The following WWP1 variants were observed in gnomAD, a reference collection of about 807,000 sequenced individuals.
WWP1 encodes the protein NEDD4-like E3 ubiquitin-protein ligase WWP1.
Under a neutral mutation model 130.6 loss-of-function variants are expected in WWP1, and 49 were observed. The ratio of observed to expected loss-of-function variants is 0.38; its 90% CI spans 0.30 to 0.48. WWP1 has a LOEUF of 0.48. Among genes scored for constraint, WWP1 ranks in the 20% least tolerant of loss-of-function variants. The pLI, the probability that WWP1 is intolerant of heterozygous loss-of-function variation, is 0.99. For synonymous variants in WWP1, 332 were observed against 367.8 expected (o/e 0.90, Z 1.11); for missense variants, 809 against 1,100.6 (o/e 0.74, Z 3.75).
rs572749206 is a variant in WWP1 at position 86,360,651 on chromosome 8, T to TG, written c.-114-8283dup. 3.0e-3 allele frequency among the ~76,000 whole-genome samples: 463 copies of TG among 152,340 alleles called. 2 individuals carry two copies. The highest frequency in any genetic ancestry group is 0.011 in the African/African-American group (441 of 41,584). ...TGTGTCTCAGTCAGTAACTATTAAT[T>TG]GGGGGCCTTTCCCCAGCCAGACTCT... is the stretch of plus-strand genomic sequence containing the variant. On this transcript the variant is annotated intron_variant, in intron 1 of 24. Coordinates refer to ENST00000517970, the MANE Select transcript of WWP1 (RefSeq NM_007013.4).
intron 9 of WWP1, among the ~76,000 whole-genome samples, chr8:86,424,459 G>A (rs1218527693): frequency 1.3e-5 from 2 of 152,044 alleles, no homozygotes; most frequent in African/African-American, 4.8e-5. Flanking sequence ...CAGGCGGCTG[G>A]GAGGTGGAGG....
intron 24 of WWP1, among the ~76,000 whole-genome samples, chr8:86,465,050 G>A (rs1175242431): frequency 1.3e-5 from 2 of 152,116 alleles, no homozygotes; most frequent in African/African-American, 4.8e-5. Context: ...AGAAGTCACT[G>A]GCTAAGAGTG....
chr8:86,361,437 T>C (rs1295007785), intron 1 of WWP1, among the ~76,000 whole-genome samples: 1 of 152,174 alleles, frequency 6.6e-6, no homozygotes, highest in Non-Finnish European at 1.5e-5. Flanking sequence ...TACAACACTG[T>C]CAAAGGGGTT....
rs559035925 is a variant in WWP1 at position 86,414,181 on chromosome 8, G to C, written c.1061+2307G>C. 1.4e-4 allele frequency among the ~76,000 whole-genome samples: 21 copies of C among 151,982 alleles called. No homozygotes were observed. The South Asian group carries it at 4.3e-3, about 31-fold the overall frequency. On this transcript the variant is annotated intron_variant, in intron 9 of 24. Transcript: ENST00000517970. Reference sequence around the variant, plus strand: ...GCGAGAATAGGAAATATTGGAAGATGTTAAATGTAGTAAGAATAAGCATTG... The same window carrying C: ...GCGAGAATAGGAAATATTGGAAGATCTTAAATGTAGTAAGAATAAGCATTG...
In WWP1 at chr8:86,342,643, A is replaced by G. The variant is rs2130006899; in HGVS notation, c.-402A>G. The G allele has an allele frequency of 8.2e-6, 2 of 243,992 alleles. No homozygotes were observed. Among genetic ancestry groups the G allele is most frequent in the African/African-American group, 2.4e-5 (1 of 41,086 alleles). 15.1% of individuals were successfully genotyped at this position (243,992 alleles called of 1,614,324 possible). A position where few individuals can be genotyped will look rare whatever the true frequency, so the allele number is the denominator to read the frequency against. ...GCGCGCTTAGGGCGCGGCGCCGGCG[A>G]CGCGGCCACGCGGCGCGCTCCCGAG... On this transcript the variant is annotated 5_prime_UTR_variant, in exon 1 of 25. Coordinates refer to ENST00000517970, the MANE Select transcript of WWP1 (RefSeq NM_007013.4).
chr8:86,394,096 G>C (rs138706231), intron 5 of WWP1, among the ~76,000 whole-genome samples: 42 of 152,368 alleles, frequency 2.8e-4, no homozygotes, highest in Middle Eastern at 3.4e-3. Flanking sequence ...TTTTTAGCCA[G>C]TAAGTTTCAG....
intron 8 of WWP1, among the ~76,000 whole-genome samples, chr8:86,407,886 A>C (rs1007904417): frequency 2.0e-5 from 3 of 152,048 alleles, no homozygotes; most frequent in Non-Finnish European, 2.9e-5. Context: ...ACCATTAATA[A>C]TACATTGTTA....
chr8:86,417,422 T>C (rs976395000), intron 9 of WWP1: 1 of 152,200 alleles, frequency 6.6e-6, no homozygotes, highest in South Asian at 2.1e-4. Flanking sequence ...AAATGCACTT[T>C]AGAAAATTAG....
Position 86,460,835 on chromosome 8 carries a change from A to G in WWP1, c.2500-389A>G, listed in dbSNP as rs183852742. 5.8e-3 allele frequency among the ~76,000 whole-genome samples: 560 copies of G among 96,334 alleles called. 8 individuals carry two copies. The highest frequency in any genetic ancestry group is 0.019 in the African/African-American group (532 of 27,490). The allele number at this position is 96,334 out of a possible 152,430, so 63.2% of individuals were successfully genotyped here. A position where few individuals can be genotyped will look rare whatever the true frequency, so the allele number is the denominator to read the frequency against. On this transcript the variant is annotated intron_variant, in intron 22 of 24. Transcript: ENST00000517970. ...TTTTTTTTTTTTTTTTTTGAGACAG[A>G]GTCTTGCTCTGTCGCCCAGGCTGGA...
chr8:86,398,730 G>T (rs1290925457), intron 7 of WWP1, 92 bp downstream of exon 7: 2 of 1,407,952 alleles, frequency 1.4e-6, no homozygotes, highest in Non-Finnish European at 2.0e-6. Flanking sequence ...TTTAGAATTT[G>T]CCACACAGTT....
At chr8:86,460,614 A>G (rs957093584) in intron 22 of WWP1, among the ~76,000 whole-genome samples, 1 of 151,974 alleles carries the variant, frequency 6.6e-6, no homozygotes, top group African/African-American at 2.4e-5. Flanking sequence ...ACCTTACATA[A>G]ATGACTTAAC....
intron 7 of WWP1, 115 bp from the exon 8 acceptor site, chr8:86,401,904 A>T (rs945772203): frequency 4.0e-5 from 44 of 1,094,446 alleles, no homozygotes; most frequent in East Asian, 1.5e-4. Flanking sequence ...AAAAAATTTT[A>T]AAAAAGAAAT....
chr8:86,466,732 T>C, intron 24 of WWP1, 62 bp from the exon 25 acceptor site: 2 of 1,143,438 alleles, frequency 1.7e-6, no homozygotes, highest in Non-Finnish European at 1.3e-6. Flanking sequence ...CTTTGAAAAG[T>C]ATTCTATTAG....
intron 24 of WWP1, among the ~76,000 whole-genome samples, chr8:86,465,201 A>G (rs941656090): frequency 2.0e-5 from 3 of 152,234 alleles, no homozygotes; most frequent in Admixed American, 6.5e-5. Flanking sequence ...ACAAGTTGAC[A>G]GCAAAGAGCA....
chr8:86,364,322 A>G (rs1247903519), intron 1 of WWP1, among the ~76,000 whole-genome samples: 1 of 152,202 alleles, frequency 6.6e-6, no homozygotes, highest in African/African-American at 2.4e-5. Context: ...AGGCTTTCAT[A>G]TAGCTTAGAA....
chr8:86,427,473 T>C (rs991473641), intron 10 of WWP1, among the ~76,000 whole-genome samples, 170 bp from the exon 11 acceptor site: 5 of 152,146 alleles, frequency 3.3e-5, no homozygotes, highest in African/African-American at 1.2e-4. Context: ...AAAAAAGATA[T>C]TAGTGGTAGA....
At chr8:86,431,006 A>G (rs1809930083) in intron 12 of WWP1, among the ~76,000 whole-genome samples, 1 of 138,768 alleles carries the variant, frequency 7.2e-6, no homozygotes, top group South Asian at 2.1e-4. Flanking sequence ...TAAATATATT[A>G]TATATTATAA....
chr8:86,356,225 T>G (rs1823248588), intron 1 of WWP1, among the ~76,000 whole-genome samples: 1 of 152,196 alleles, frequency 6.6e-6, no homozygotes, highest in Non-Finnish European at 1.5e-5. Flanking sequence ...GTATGAAGTC[T>G]TGGGCTTTAT....
chr8:86,379,300 ACT>A (rs1312704957), intron 3 of WWP1, among the ~76,000 whole-genome samples: 1 of 151,958 alleles, frequency 6.6e-6, no homozygotes, highest in Non-Finnish European at 1.5e-5. Flanking sequence ...AACATTGAAC[ACT>A]CTTTAATTGC....
Sources: gnomAD v4.1 joint callset for allele counts (sites outside exome capture counted in the v4.1 genomes callset) on GRCh38, gnomAD v4.1.1 for gene constraint, MANE v1.5 for transcripts, NCBI Gene and HGNC (gene_info 2026-07-23, HGNC 2026-07-21) for gene names.